The following SMARCA2 variants were observed in gnomAD, a reference collection of about 807,000 sequenced individuals.
SMARCA2 encodes the protein SWI/SNF-related matrix-associated actin-dependent regulator of chromatin subfamily A member 2.
A neutral mutation model predicts 199.8 loss-of-function variants in SMARCA2; 61 were observed. The observed-to-expected ratio is 0.31, with a 90% CI of 0.25 to 0.38. The LOEUF (loss-of-function observed/expected upper bound fraction) is 0.38. Ranked by LOEUF, SMARCA2 falls within the 10% of genes least tolerant of loss-of-function variation. SMARCA2 has a pLI of 1.00. For missense variants in SMARCA2, 1,344 were observed against 2,012.2 expected (o/e 0.67, Z 6.35); for synonymous variants, 935 against 732.0 (o/e 1.28, Z -4.48).
chr9:2,180,429 A>C lies in SMARCA2; in HGVS notation c.4254-1142A>C, dbSNP rs183509943. 1.5e-3 allele frequency among the ~76,000 whole-genome samples: 222 copies of C among 152,320 alleles called. 1 individual carries two copies. Among genetic ancestry groups the C allele is most frequent in the Middle Eastern group, 3.4e-3 (1 of 294 alleles). On this transcript the variant is annotated intron_variant, in intron 29 of 33. Coordinates refer to ENST00000349721, the MANE Select transcript of SMARCA2 (RefSeq NM_003070.5). ...GTCATTATGATTACTTTTTAATTAT[A>C]CAACTGGGACTGTGGATTAAAACAG...
At position 2,123,736 on chromosome 9, in the gene SMARCA2, G is replaced by A. The variant is rs777556670; in HGVS notation, c.3780G>A (p.Arg1260=). 2 of 1,614,072 alleles carry A rather than the reference G, an allele frequency of 1.2e-6. No individual in the cohort carries two copies. The highest frequency in any genetic ancestry group is 1.7e-5 in the Admixed American group (1 of 60,006). The part of the protein sequence containing the change: ...FDLFMRMDMD[R]RREDARNPKR... ...GTCTCCAGCGGATGGACATGGACCG[G>A]CGGAGGGAAGATGCCCGGAACCCGA... Residue 1260 remains arginine (R), a synonymous_variant, in exon 27 of 34, where the codon CGG becomes CGA. Transcript: ENST00000349721. This position sits in a 1 kb window ranked among gnomAD's most constrained non-coding sequence, Gnocchi z 4.1.
At position 2,115,698 on chromosome 9, in the gene SMARCA2, C is replaced by CA; in HGVS notation, c.3457-120dup. 2 of 730,170 alleles carry CA rather than the reference C, an allele frequency of 2.7e-6. No homozygotes were observed. Among genetic ancestry groups the CA allele is most frequent in the South Asian group, 3.9e-5 (2 of 51,528 alleles). 45.2% of individuals were successfully genotyped at this position (730,170 alleles called of 1,614,324 possible). A position where few individuals can be genotyped will look rare whatever the true frequency, so the allele number is the denominator to read the frequency against. Reference sequence around the variant, plus strand: ...AGCTTGTGTGTTTTTAAAATGTAGGCAAAATCTTACCTTAGTGAAGGTGAA... The same window carrying CA: ...AGCTTGTGTGTTTTTAAAATGTAGGCAAAAATCTTACCTTAGTGAAGGTGAA... On this transcript the variant is annotated intron_variant, in intron 24 of 33. Transcript: ENST00000349721. The surrounding 1 kb of genome is among the most constrained non-coding windows in gnomAD (Gnocchi z 6.0).
intron 5 of SMARCA2, among the ~76,000 whole-genome samples, chr9:2,048,268 T>A (rs1160383885): frequency 6.6e-6 from 1 of 152,162 alleles, no homozygotes; most frequent in African/African-American, 2.4e-5. Context: ...TAAGTCAAGA[T>A]AAAATGAAGC....
At chr9:2,065,002 T>G (rs182990222) in intron 9 of SMARCA2, among the ~76,000 whole-genome samples, 4,858 of 152,090 alleles carry the variant, frequency 0.032, 99 homozygotes, top group Non-Finnish European at 0.045. Context: ...GGCTAACATG[T>G]TGAAACCCCA....
At chr9:2,101,472 A>G in intron 21 of SMARCA2, 98 bp from the exon 22 acceptor site, 1 of 602,054 alleles carries the variant, frequency 1.7e-6, no homozygotes, top group Non-Finnish European at 2.8e-6. Context: ...ATTTTGTTTT[A>G]ACTATAGAAA....
In SMARCA2 at chr9:2,033,642, A is replaced by G. The variant is rs370234170; in HGVS notation, c.355+561A>G. 5.0e-4 allele frequency among the ~76,000 whole-genome samples: 76 copies of G among 152,392 alleles called. No homozygotes were observed. The South Asian group carries it at 0.014, about 29-fold the overall frequency. The stretch of plus-strand genomic sequence containing the variant: ...CCTGCCATAGCAAATTACCACAAAC[A>G]GAAATGTATTCTCTTATATAATTCT... On this transcript the variant is annotated intron_variant, in intron 3 of 33. Transcript: ENST00000349721.
intron 10 of SMARCA2, 52 bp from the exon 11 acceptor site, chr9:2,073,160 C>G (rs1388458177): frequency 3.1e-6 from 5 of 1,607,954 alleles, no homozygotes; most frequent in East Asian, 2.2e-5. Context: ...CAGTACAGGA[C>G]TGGGGGAAGG....
At position 2,104,080 on chromosome 9, in the gene SMARCA2, G is replaced by A; in HGVS notation, c.3203G>A (p.Arg1068Gln). The A allele has an allele frequency of 1.9e-6, 3 of 1,614,026 alleles. No individual in the cohort carries two copies. The highest frequency in any genetic ancestry group is 2.5e-6 in the Non-Finnish European group (3 of 1,179,982). Residue 1068 changes from arginine to glutamine, a missense_variant, in exon 23 of 34, where the codon CGA (arginine) becomes CAA (glutamine). By Grantham distance (43) the Arg-to-Gln change is conservative. Around this residue, in one of 18 missense-constraint regions of SMARCA2, gnomAD observed 98 missense variants for 245.6 expected, o/e 0.40. Coordinates refer to ENST00000349721, the MANE Select transcript of SMARCA2 (RefSeq NM_003070.5). This position sits in a 1 kb window ranked among gnomAD's most constrained non-coding sequence, Gnocchi z 4.0. ...CCAAAATTGAGAGCGACTAATCACCGAGTGCTGCTTTTCTGCCAGATGACA... is the reference window on the plus strand; with the variant it reads ...CCAAAATTGAGAGCGACTAATCACCAAGTGCTGCTTTTCTGCCAGATGACA... ...ILPKLRATNH[R>Q]VLLFCQMTSL... is the part of the protein sequence containing the mutation.
In SMARCA2 at chr9:2,086,527, C is replaced by G. The variant is rs1023156806; in HGVS notation, c.2527-302C>G. ...AGAAGGGGCATTGGATGGGGAGAGG[C>G]AGGATCCACACGTGGAAACAACCAT... On this transcript the variant is annotated intron_variant, in intron 17 of 33. Coordinates refer to ENST00000349721, the MANE Select transcript of SMARCA2 (RefSeq NM_003070.5). This position sits in a 1 kb window ranked among gnomAD's most constrained non-coding sequence, Gnocchi z 4.3. 2.0e-5 allele frequency among the ~76,000 whole-genome samples: 3 copies of G among 152,212 alleles called. No individual in the cohort carries two copies. Among genetic ancestry groups the G allele is most frequent in the Non-Finnish European group, 4.4e-5 (3 of 68,034 alleles).
intron 1 of SMARCA2, among the ~76,000 whole-genome samples, chr9:2,021,065 TA>T (rs113773952): frequency 3.3e-5 from 5 of 152,366 alleles, no homozygotes; most frequent in African/African-American, 1.2e-4. Flanking sequence ...CAACAGTTTT[TA>T]AAACCACAAT....
chr9:2,181,560 C>T lies in SMARCA2; in HGVS notation c.4254-11C>T. The T allele has an allele frequency of 7.1e-7, 1 of 1,405,886 alleles. No individual in the cohort carries two copies. The highest frequency in any genetic ancestry group is 1.7e-5 in the Admixed American group (1 of 59,414). 87.1% of individuals were successfully genotyped at this position (1,405,886 alleles called of 1,614,324 possible). A position where few individuals can be genotyped will look rare whatever the true frequency, so the allele number is the denominator to read the frequency against. ...TGTGGCTTGTTTTTGTTTGTTTCAC[C>T]CATCCTACAGTTCAGGGCGACAGCT... On this transcript the variant is annotated splice_polypyrimidine_tract_variant and intron_variant, in intron 29 of 33. Coordinates refer to ENST00000349721, the MANE Select transcript of SMARCA2 (RefSeq NM_003070.5).
chr9:2,057,452 T>G (rs1293862548), intron 7 of SMARCA2, among the ~76,000 whole-genome samples: 1 of 152,200 alleles, frequency 6.6e-6, no homozygotes, highest in Non-Finnish European at 1.5e-5. Flanking sequence ...ATTCAGTCCA[T>G]AACAGGTGTC....
chr9:2,024,003 C>G (rs1458339917), intron 1 of SMARCA2, among the ~76,000 whole-genome samples: 1 of 152,148 alleles, frequency 6.6e-6, no homozygotes, highest in Non-Finnish European at 1.5e-5. Context: ...ACTTTTATTT[C>G]TGATATTCCA....
chr9:2,047,082 C>T, intron 4 of SMARCA2, 147 bp from the exon 5 acceptor site: 1 of 475,416 alleles, frequency 2.1e-6, no homozygotes, highest in Non-Finnish European at 2.7e-6. Flanking sequence ...TTCTTGCCCT[C>T]CTTTTTTTTT....
chr9:2,062,859 T>C (rs765320807), intron 9 of SMARCA2, among the ~76,000 whole-genome samples: 35 of 152,026 alleles, frequency 2.3e-4, no homozygotes, highest in Non-Finnish European at 2.9e-5. Context: ...GCTAGACAGA[T>C]ATTAATCCAA....
At chr9:2,150,981 A>T (rs951227281) in intron 27 of SMARCA2, among the ~76,000 whole-genome samples, 2 of 151,622 alleles carry the variant, frequency 1.3e-5, no homozygotes, top group African/African-American at 4.8e-5. Flanking sequence ...TACAGTCACA[A>T]TCTAAAGTCT....
intron 27 of SMARCA2, among the ~76,000 whole-genome samples, chr9:2,153,942 A>G (rs182203840): frequency 6.8e-4 from 103 of 152,330 alleles, no homozygotes; most frequent in Middle Eastern, 3.4e-3. Flanking sequence ...AAGCCTGGCA[A>G]GTATAACTTA....
At chr9:2,098,192 G>T (rs188088576) in intron 21 of SMARCA2, among the ~76,000 whole-genome samples, 218 of 152,314 alleles carry the variant, frequency 1.4e-3, no homozygotes, top group Admixed American at 2.5e-3. Flanking sequence ...GGTCCTGGTG[G>T]CAATTATTTG....
chr9:2,076,538 C>T (rs902626505), intron 13 of SMARCA2, among the ~76,000 whole-genome samples: 5 of 151,770 alleles, frequency 3.3e-5, no homozygotes, highest in African/African-American at 4.8e-5. Flanking sequence ...TTCCTTCCTT[C>T]CCTTTCTTCC....
Sources: allele counts gnomAD v4.1 joint callset (sites outside exome capture counted in the v4.1 genomes callset), GRCh38; gene constraint gnomAD v4.1.1; regional missense constraint gnomAD v4.1.1; non-coding constraint Gnocchi (gnomAD v3.1); transcripts MANE v1.5; gene names NCBI Gene and HGNC (gene_info 2026-07-23, HGNC 2026-07-21).